Variants in CDH13 observed in about 807,000 individuals in gnomAD.
The protein encoded by CDH13 is cadherin-13.
A neutral mutation model predicts 63.8 loss-of-function variants in CDH13; 24 were observed. That is an observed-to-expected ratio of 0.38 (90% CI 0.27 to 0.53). CDH13 has a LOEUF of 0.53. CDH13 is among the 20% of genes least tolerant of loss of function. The probability of loss-of-function intolerance (pLI) is 0.85; values close to 1 mark genes in which losing one functional copy is unlikely to be tolerated. For missense variants in CDH13, 1,049 were observed against 903.1 expected (o/e 1.16, Z -2.07); for synonymous variants, 503 against 355.3 (o/e 1.42, Z -4.67).
At chr16:83,386,212 T>C (rs2091671047) in intron 6 of CDH13, among the ~76,000 whole-genome samples, 1 of 152,170 alleles carries the variant, frequency 6.6e-6, no homozygotes, top group African/African-American at 2.4e-5. Flanking sequence ...TGACAAGAAT[T>C]AACCAGCCCA....
intron 9 of CDH13, among the ~76,000 whole-genome samples, chr16:83,676,424 C>T (rs1914961038): frequency 6.6e-6 from 1 of 152,184 alleles, no homozygotes; most frequent in Non-Finnish European, 1.5e-5. Flanking sequence ...GGCTCTGTCC[C>T]CTCCAGGATC....
chr16:82,949,497 G>A (rs1281107493), intron 2 of CDH13, among the ~76,000 whole-genome samples: 1 of 152,110 alleles, frequency 6.6e-6, no homozygotes, highest in Non-Finnish European at 1.5e-5. Context: ...CTTTTAGGGG[G>A]ACACAATTCA....
At chr16:83,582,391 TG>T (rs1314024842) in intron 7 of CDH13, among the ~76,000 whole-genome samples, 1 of 152,182 alleles carries the variant, frequency 6.6e-6, no homozygotes, top group East Asian at 1.9e-4. Flanking sequence ...AGGTTTTTTT[TG>T]TTTGTTTTGA....
intron 1 of CDH13, among the ~76,000 whole-genome samples, chr16:82,684,804 TCAGAGCCCATACC>T (rs1008267733): frequency 3.9e-5 from 6 of 152,208 alleles, no homozygotes. Flanking sequence ...CTGAGCCCAC[TCAGAGCCCATACC>T]CAAGTTGTGC....
In CDH13 at chr16:82,692,136, G is replaced by T. The variant is rs185388890; in HGVS notation, c.45+64999G>T. On this transcript the variant is annotated intron_variant, in intron 1 of 13. Coordinates refer to ENST00000567109, the MANE Select transcript of CDH13 (RefSeq NM_001257.5). ...GTGGACAGCAAAGTTATACTGAAGT[G>T]CTGAAGGGAAGTCAAATGCTTAGGA... is the stretch of plus-strand genomic sequence containing the variant. Among the ~76,000 whole-genome samples, 283 of 152,350 alleles carry T rather than the reference G, an allele frequency of 1.9e-3. 1 individual carries two copies. Among genetic ancestry groups the T allele is most frequent in the African/African-American group, 6.5e-3 (270 of 41,578 alleles).
chr16:82,896,706 C>G (rs1163522515), intron 2 of CDH13, among the ~76,000 whole-genome samples: 3 of 145,244 alleles, frequency 2.1e-5, no homozygotes, highest in Non-Finnish European at 1.5e-5. Context: ...AGGTCTGACT[C>G]TCAGTGAATA....
At chr16:83,629,332 T>C (rs1224169179) in intron 8 of CDH13, among the ~76,000 whole-genome samples, 2 of 152,238 alleles carry the variant, frequency 1.3e-5, no homozygotes, top group Non-Finnish European at 2.9e-5. Flanking sequence ...GACTAATTCA[T>C]ATCTAGCCAA....
At chr16:83,088,648 C>G (rs1266248531) in intron 3 of CDH13, among the ~76,000 whole-genome samples, 1 of 152,184 alleles carries the variant, frequency 6.6e-6, no homozygotes, top group African/African-American at 2.4e-5. Context: ...TTACATTCTT[C>G]ATATAATCAG....
At chr16:83,387,104 G>C (rs2091689298) in intron 6 of CDH13, among the ~76,000 whole-genome samples, 2 of 152,132 alleles carry the variant, frequency 1.3e-5, no homozygotes, top group Non-Finnish European at 2.9e-5. Context: ...AGGAAAACAG[G>C]GGCCAGAAAT....
At chr16:83,342,734 C>T (rs2090752373) in intron 5 of CDH13, among the ~76,000 whole-genome samples, 2 of 151,930 alleles carry the variant, frequency 1.3e-5, no homozygotes, top group South Asian at 2.1e-4. Context: ...ATTCTGATTA[C>T]CTATCCTACT....
At chr16:83,054,835 T>C (rs757552468) in intron 3 of CDH13, among the ~76,000 whole-genome samples, 1 of 152,098 alleles carries the variant, frequency 6.6e-6, no homozygotes, top group African/African-American at 2.4e-5. Context: ...ATCTGTAATA[T>C]AGATTTTACT....
intron 1 of CDH13, among the ~76,000 whole-genome samples, chr16:82,672,999 C>CTTTTTCT (rs1555531928): frequency 3.7e-5 from 3 of 81,268 alleles, no homozygotes; most frequent in African/African-American, 1.6e-4. Flanking sequence ...ATAAAGTTTT[C>CTTTTTCT]TTTTTTTTTT....
intron 1 of CDH13, among the ~76,000 whole-genome samples, chr16:82,841,105 G>A (rs1386643370): frequency 6.6e-6 from 1 of 152,230 alleles, no homozygotes; most frequent in African/African-American, 2.4e-5. Flanking sequence ...TAGAAATGAG[G>A]CCTGTCCATC....
At chr16:82,697,682 C>T (rs1362976173) in intron 1 of CDH13, among the ~76,000 whole-genome samples, 7 of 151,732 alleles carry the variant, frequency 4.6e-5, no homozygotes, top group East Asian at 1.9e-4. Flanking sequence ...CCTGCCTCGG[C>T]CTCCTAAAGT....
At chr16:83,287,747 C>T (rs377492574) in intron 5 of CDH13, among the ~76,000 whole-genome samples, 1 of 152,112 alleles carries the variant, frequency 6.6e-6, no homozygotes, top group African/African-American at 2.4e-5. Flanking sequence ...CTTGAATCAT[C>T]CCCAAGTCAT....
intron 1 of CDH13, among the ~76,000 whole-genome samples, chr16:82,790,133 C>G (rs1338733401): frequency 6.6e-6 from 1 of 152,088 alleles, no homozygotes; most frequent in African/African-American, 2.4e-5. Context: ...CACACACGTA[C>G]CTTACAAAAT....
chr16:83,291,552 TTTG>T (rs2089466827), intron 5 of CDH13, among the ~76,000 whole-genome samples: 1 of 151,738 alleles, frequency 6.6e-6, no homozygotes, highest in Admixed American at 6.6e-5. Context: ...CATATACTAC[TTTG>T]TTAACCCTAT....
intron 8 of CDH13, among the ~76,000 whole-genome samples, chr16:83,660,667 T>G (rs190426675): frequency 6.9e-4 from 105 of 152,372 alleles, no homozygotes; most frequent in Non-Finnish European, 1.0e-3. Context: ...CAGAATTGCA[T>G]AAGCCAAACT....
intron 1 of CDH13, among the ~76,000 whole-genome samples, chr16:82,642,373 G>A (rs544192061): frequency 2.8e-4 from 42 of 152,270 alleles, no homozygotes; most frequent in South Asian, 8.3e-4. Context: ...ATGCATCCCC[G>A]TATTGTAATC....
Sources: gnomAD v4.1 joint callset for allele counts (sites outside exome capture counted in the v4.1 genomes callset) on GRCh38, gnomAD v4.1.1 for gene constraint, MANE v1.5 for transcripts, NCBI Gene and HGNC (gene_info 2026-07-23, HGNC 2026-07-21) for gene names.